TXK: variants seen among roughly 807,000 people sequenced by gnomAD.
TXK encodes tyrosine-protein kinase TXK.
Under a neutral mutation model 81.0 loss-of-function variants are expected in TXK, and 60 were observed. The observed-to-expected ratio is 0.74, with a 90% CI of 0.60 to 0.92. The LOEUF (loss-of-function observed/expected upper bound fraction) is 0.92, where lower values mean the gene tolerates loss of function less well. TXK is among the 40% of genes least tolerant of loss of function. The pLI, the probability that TXK is intolerant of heterozygous loss-of-function variation, is 0.00. For missense variants in TXK, 581 were observed against 638.3 expected (o/e 0.91, Z 0.97); for synonymous variants, 203 against 210.7 (o/e 0.96, Z 0.32).
chr4:48,113,123 G>T, intron 3 of TXK, 84 bp downstream of exon 3: 2 of 888,478 alleles, frequency 2.3e-6, no homozygotes, highest in Non-Finnish European at 3.6e-6. Context: ...ACTAGATTCT[G>T]GGCAACAAAC....
At chr4:48,069,519 G>T (rs1281541527) in intron 14 of TXK, among the ~76,000 whole-genome samples, 2 of 151,700 alleles carry the variant, frequency 1.3e-5, no homozygotes, top group Non-Finnish European at 2.9e-5. Flanking sequence ...GTAGAGACGG[G>T]GTTTCACCAT....
chr4:48,105,460 A>G (rs1718422479), intron 5 of TXK, among the ~76,000 whole-genome samples: 1 of 152,320 alleles, frequency 6.6e-6, no homozygotes, highest in Middle Eastern at 3.4e-3. Flanking sequence ...CTCACTTACA[A>G]GTGGGAGATA....
chr4:48,082,490 C>T (rs1485396746), intron 10 of TXK, among the ~76,000 whole-genome samples: 1 of 152,182 alleles, frequency 6.6e-6, no homozygotes, highest in East Asian at 1.9e-4. Context: ...GATTCAAGTT[C>T]TTTGGATAAT....
chr4:48,073,229 AACCTTATTGTAGACAATAAAACTGAC>A (rs1716934121), intron 13 of TXK, among the ~76,000 whole-genome samples: 1 of 151,914 alleles, frequency 6.6e-6, no homozygotes, highest in African/African-American at 2.4e-5. Context: ...GCCCAGTTTT[AACCTTATTGTAGACAATAAAACTGAC>A]ACCCTTCTGA....
chr4:48,090,146 T>A (rs556563312), intron 8 of TXK, among the ~76,000 whole-genome samples: 1 of 152,212 alleles, frequency 6.6e-6, no homozygotes, highest in Non-Finnish European at 1.5e-5. Context: ...CATGAACACA[T>A]CCAATATATT....
At chr4:48,071,452 G>T in intron 14 of TXK, 65 bp downstream of exon 14, 6 of 1,480,330 alleles carry the variant, frequency 4.1e-6, no homozygotes, top group Non-Finnish European at 5.5e-6. Flanking sequence ...TAATGTTTGT[G>T]ATAATCAGGT....
chr4:48,112,284 A>C, intron 4 of TXK, 23 bp downstream of exon 4: 1 of 1,607,528 alleles, frequency 6.2e-7, no homozygotes, highest in Non-Finnish European at 8.5e-7. Context: ...TTGGATACTG[A>C]CTAAGTCATG....
intron 11 of TXK, among the ~76,000 whole-genome samples, chr4:48,079,354 G>A (rs1717201361): frequency 6.6e-6 from 1 of 152,140 alleles, no homozygotes; most frequent in South Asian, 2.1e-4. Flanking sequence ...CTGCTCCTAA[G>A]ATCAGTGCTT....
rs1718692713 is a variant in TXK at position 48,113,196 on chromosome 4, A to T, written c.174+11T>A. 6.2e-7 allele frequency: 1 copy of T among 1,604,882 alleles called. No individual in the cohort carries two copies. The highest frequency in any genetic ancestry group is 1.3e-5 in the African/African-American group (1 of 74,656). On this transcript the variant is annotated intron_variant, in intron 3 of 14. Coordinates refer to ENST00000264316, the MANE Select transcript of TXK (RefSeq NM_003328.3). ...CTCCATTCCCCTCTTGCCTGTCAAAATGATACTTACTTGCTTCTTATTTGA... is the reference window on the plus strand; with the variant it reads ...CTCCATTCCCCTCTTGCCTGTCAAATTGATACTTACTTGCTTCTTATTTGA...
chr4:48,118,059 A>G (rs1256987885), intron 1 of TXK, among the ~76,000 whole-genome samples: 1 of 152,164 alleles, frequency 6.6e-6, no homozygotes, highest in African/African-American at 2.4e-5. Context: ...CTTGTCACCA[A>G]TCTCCCAATT....
At chr4:48,074,376 TA>T (rs200929853) in intron 12 of TXK, among the ~76,000 whole-genome samples, 6,005 of 152,076 alleles carry the variant, frequency 0.039, 154 homozygotes, top group South Asian at 0.079. Context: ...ACCAAGATTA[TA>T]AAAAGGAAAT....
chr4:48,133,393 A>G (rs1719295609), intron 1 of TXK, among the ~76,000 whole-genome samples: 1 of 152,182 alleles, frequency 6.6e-6, no homozygotes, highest in South Asian at 2.1e-4. Context: ...TTAAAATAAC[A>G]TCTTCATATG....
In TXK at chr4:48,089,766, T is replaced by C. The variant is rs1717685040; in HGVS notation, c.768A>G (p.Thr256=). Residue 256 remains threonine (T), a synonymous_variant, in exon 9 of 15, where the codon ACA becomes ACG. Coordinates refer to ENST00000264316, the MANE Select transcript of TXK (RefSeq NM_003328.3). ...VGLMGSCLPA[T]AGFSYEKWEI... ...ACACTTTACCGTAGCTAAACCCAGC[T>C]GTGGCTGGTAAACAACTGCCCATCA... 1.2e-6 allele frequency: 2 copies of C among 1,613,458 alleles called. No homozygotes were observed. Among genetic ancestry groups the C allele is most frequent in the South Asian group, 2.2e-5 (2 of 91,070 alleles).
chr4:48,127,186 T>C (rs1719111019), intron 1 of TXK, among the ~76,000 whole-genome samples: 1 of 152,212 alleles, frequency 6.6e-6, no homozygotes, highest in African/African-American at 2.4e-5. Context: ...TAAATAATCA[T>C]TGCGAGAAGA....
chr4:48,098,711 C>T (rs1262854094), intron 6 of TXK, among the ~76,000 whole-genome samples: 1 of 133,860 alleles, frequency 7.5e-6, no homozygotes, highest in Admixed American at 8.0e-5. Context: ...CCTGTAATCC[C>T]AGCACTTTGG....
chr4:48,086,422 C>T (rs1279432577), intron 10 of TXK, 44 bp downstream of exon 10: 1 of 1,598,864 alleles, frequency 6.3e-7, no homozygotes, highest in East Asian at 2.2e-5. Flanking sequence ...TTCCATGACA[C>T]CAGGGCATGG....
At chr4:48,070,186 G>A (rs1050822787) in intron 14 of TXK, among the ~76,000 whole-genome samples, 1 of 152,174 alleles carries the variant, frequency 6.6e-6, no homozygotes, top group African/African-American at 2.4e-5. Flanking sequence ...GCTGGAAAGA[G>A]ACCAAAGCTC....
intron 8 of TXK, among the ~76,000 whole-genome samples, chr4:48,090,257 T>A (rs1717712998): frequency 6.6e-6 from 1 of 152,246 alleles, no homozygotes; most frequent in Non-Finnish European, 1.5e-5. Context: ...TTCCAAGATT[T>A]CGCTATTATA....
At chr4:48,112,562 A>C in intron 3 of TXK, 50 bp from the exon 4 acceptor site, 1 of 1,530,498 alleles carries the variant, frequency 6.5e-7, no homozygotes, top group Non-Finnish European at 8.8e-7. Context: ...AATAATTTGT[A>C]CTAAAAAATA....
Sources: allele counts gnomAD v4.1 joint callset (sites outside exome capture counted in the v4.1 genomes callset), GRCh38; gene constraint gnomAD v4.1.1; transcripts MANE v1.5; gene names NCBI Gene and HGNC (gene_info 2026-07-23, HGNC 2026-07-21).